Variants in KIAA1217 observed in about 807,000 individuals in gnomAD.
KIAA1217 encodes KIAA1217.
KIAA1217 carries 88 observed loss-of-function variants against 163.9 expected under a neutral mutation model. That is an observed-to-expected ratio of 0.54 (90% confidence interval 0.45 to 0.64). The LOEUF is 0.64. Ranked by LOEUF, KIAA1217 falls within the 30% of genes least tolerant of loss-of-function variation. The pLI is 0.00. For missense variants in KIAA1217, 2,372 were observed against 2,475.0 expected (o/e 0.96, Z 0.88); for synonymous variants, 903 against 923.1 (o/e 0.98, Z 0.39).
chr10:24,211,973 G>A (rs2068188311), intron 1 of KIAA1217, among the ~76,000 whole-genome samples: 1 of 151,976 alleles, frequency 6.6e-6, no homozygotes, highest in Admixed American at 6.6e-5. Flanking sequence ...CAGCCAGGAG[G>A]TTGAGACTGC....
chr10:23,817,996 TATATATATATATACACAC>T (rs1218588697), intron 1 of KIAA1217, among the ~76,000 whole-genome samples: 3 of 106,118 alleles, frequency 2.8e-5, no homozygotes, highest in South Asian at 2.8e-4. Flanking sequence ...TATATATATA[TATATATATATATACACAC>T]ATATATATAC....
intron 2 of KIAA1217, among the ~76,000 whole-genome samples, chr10:24,183,100 C>A (rs911392485): frequency 6.6e-6 from 1 of 152,136 alleles, no homozygotes; most frequent in African/African-American, 2.4e-5. Flanking sequence ...AGCTGGGACA[C>A]CCCCCAGGTT....
In KIAA1217 at chr10:24,380,824, TA is replaced by T. The variant is rs541265840; in HGVS notation, c.355-43del. The T allele has an allele frequency of 2.2e-6, 3 of 1,374,716 alleles. No individual in the cohort carries two copies. The African/African-American group carries it at 4.4e-5, about 20-fold the overall frequency. 85.2% of individuals were successfully genotyped at this position (1,374,716 alleles called of 1,614,324 possible). A position where few individuals can be genotyped will look rare whatever the true frequency, so the allele number is the denominator to read the frequency against. ...GCATTGGACATATTTTCCACACGAT[TA>T]ATAATAGTCTATTTTCCCACTTTCT... On this transcript the variant is annotated intron_variant, in intron 2 of 20. Transcript: ENST00000376454.
intron 2 of KIAA1217, among the ~76,000 whole-genome samples, chr10:24,141,748 C>G (rs900771084): frequency 6.6e-6 from 1 of 152,140 alleles, no homozygotes; most frequent in Non-Finnish European, 1.5e-5. Context: ...AATCACAACC[C>G]GTAGATAAGG....
Position 23,804,800 on chromosome 10 carries a change from A to G in KIAA1217, c.-321+109566A>G, listed in dbSNP as rs145534535. 3.9e-3 allele frequency among the ~76,000 whole-genome samples: 592 copies of G among 152,320 alleles called. 7 individuals are homozygous for G. The highest frequency in any genetic ancestry group is 0.014 in the African/African-American group (568 of 41,580). The stretch of plus-strand genomic sequence containing the variant: ...CAATAGATCAGACTATATTGCTCCT[A>G]TTAGTCTGCTAGTCAACTGGCCCAA... On this transcript the variant is annotated intron_variant, in intron 1 of 18. Coordinates refer to the KIAA1217 transcript ENST00000376462.
intron 2 of KIAA1217, among the ~76,000 whole-genome samples, chr10:24,147,832 CAAA>C (rs1176106711): frequency 2.4e-4 from 5 of 20,768 alleles, no homozygotes; most frequent in African/African-American, 3.4e-4. Context: ...TACTCTGTCT[CAAA>C]AAAAAAAAAA....
At chr10:23,726,397 T>G (rs1369258022) in intron 1 of KIAA1217, among the ~76,000 whole-genome samples, 1 of 151,848 alleles carries the variant, frequency 6.6e-6, no homozygotes, top group East Asian at 1.9e-4. Flanking sequence ...ACTTTAAGTT[T>G]TAGGGTACGA....
rs114639020 is a variant in KIAA1217, at chr10:24,086,758, G to A, written c.-171+79384G>A. Among the ~76,000 whole-genome samples, 759 of 152,264 alleles carry A rather than the reference G, an allele frequency of 5.0e-3. 5 individuals carry two copies. The highest frequency in any genetic ancestry group is 0.018 in the African/African-American group (734 of 41,534). The stretch of plus-strand genomic sequence containing the variant: ...AATAAAAATAGAAGTTTCTTATCAG[G>A]AGTGGGAGGGAGATCATTATAGGCA... On this transcript the variant is annotated intron_variant, in intron 2 of 18. Coordinates refer to the KIAA1217 transcript ENST00000376462.
In KIAA1217 at chr10:24,308,568, G is replaced by A. The variant is rs117795401; in HGVS notation, c.355-72301G>A. On this transcript the variant is annotated intron_variant, in intron 2 of 20. Transcript: ENST00000376454. ...CCTTCTTAGGGTTTAATTCAGACAC[G>A]GGCTCTGAGCTTTGTCTTTTGTTCT... is the stretch of plus-strand genomic sequence containing the variant. Among the ~76,000 whole-genome samples, 30 of 152,300 alleles carry A rather than the reference G, an allele frequency of 2.0e-4. No homozygotes were observed. The East Asian group carries it at 5.0e-3, about 26-fold the overall frequency.
At chr10:24,499,357 A>G (rs529060116) in intron 8 of KIAA1217, among the ~76,000 whole-genome samples, 1 of 152,336 alleles carries the variant, frequency 6.6e-6, no homozygotes, top group Non-Finnish European at 1.5e-5. Context: ...TCTTTCGAGG[A>G]TGATTTTGAT....
intron 2 of KIAA1217, among the ~76,000 whole-genome samples, chr10:24,253,224 T>A (rs962331429): frequency 2.0e-5 from 3 of 152,210 alleles, no homozygotes; most frequent in Non-Finnish European, 2.9e-5. Flanking sequence ...TGCTGAGGGT[T>A]TTAAGCAGAA....
intron 2 of KIAA1217, among the ~76,000 whole-genome samples, chr10:24,064,276 G>T (rs2060849170): frequency 6.6e-6 from 1 of 152,082 alleles, no homozygotes; most frequent in African/African-American, 2.4e-5. Flanking sequence ...TTGGCTGTGG[G>T]TTTGTCATAG....
intron 2 of KIAA1217, among the ~76,000 whole-genome samples, chr10:24,309,247 C>T (rs114287602): frequency 0.024 from 3,583 of 151,706 alleles, 159 homozygotes; most frequent in African/African-American, 0.082. Context: ...AGGAGCATGC[C>T]ATCAATATGA....
chr10:24,437,905 G>GAAAAAA (rs1268829451), intron 4 of KIAA1217, among the ~76,000 whole-genome samples: 2 of 43,372 alleles, frequency 4.6e-5, no homozygotes, highest in Admixed American at 3.1e-4. Context: ...GTGTTTGAAG[G>GAAAAAA]CAAAAAAAAA....
At chr10:24,411,762 A>T (rs570525279) in intron 3 of KIAA1217, among the ~76,000 whole-genome samples, 3 of 152,152 alleles carry the variant, frequency 2.0e-5, no homozygotes, top group Non-Finnish European at 4.4e-5. Context: ...AAGCTCCAAC[A>T]TGACTTTTTT....
intron 2 of KIAA1217, among the ~76,000 whole-genome samples, chr10:24,252,549 C>G (rs1315664197): frequency 6.6e-6 from 1 of 152,110 alleles, no homozygotes; most frequent in Non-Finnish European, 1.5e-5. Flanking sequence ...CACTGTGCCA[C>G]AAGCTGGGCG....
intron 2 of KIAA1217, among the ~76,000 whole-genome samples, chr10:24,048,963 G>A (rs1208543284): frequency 3.4e-5 from 5 of 147,912 alleles, no homozygotes; most frequent in South Asian, 2.2e-4. Flanking sequence ...CCTGGGAGGC[G>A]GAGGTTGCAG....
At chr10:24,457,434 T>C (rs1250955106) in intron 5 of KIAA1217, among the ~76,000 whole-genome samples, 2 of 151,042 alleles carry the variant, frequency 1.3e-5, no homozygotes, top group Non-Finnish European at 2.9e-5. Flanking sequence ...AGTGCAGTGG[T>C]ATAATCATAG....
intron 1 of KIAA1217, among the ~76,000 whole-genome samples, chr10:24,213,988 A>C (rs1410400554): frequency 3.7e-5 from 1 of 27,150 alleles, no homozygotes; most frequent in Admixed American, 2.7e-4. Flanking sequence ...CCATCTCTAC[A>C]AAAAAAAATG....
Sources: allele counts gnomAD v4.1 joint callset (sites outside exome capture counted in the v4.1 genomes callset), GRCh38; gene constraint gnomAD v4.1.1; transcripts MANE v1.5; gene names NCBI Gene and HGNC (gene_info 2026-07-23, HGNC 2026-07-21).